The following PMEL variants were observed in gnomAD, a reference collection of about 807,000 sequenced individuals.
The protein encoded by PMEL is melanocyte protein PMEL.
PMEL carries 53 observed loss-of-function variants against 64.9 expected under a neutral mutation model. The observed-to-expected ratio is 0.82, with a 90% CI of 0.66 to 1.03. PMEL has a LOEUF of 1.03. PMEL is among the 50% of genes least tolerant of loss of function. The pLI, the probability that PMEL is intolerant of heterozygous loss-of-function variation, is 0.00. For synonymous variants in PMEL, 299 were observed against 316.2 expected (o/e 0.95, Z 0.58); for missense variants, 716 against 814.9 (o/e 0.88, Z 1.48).
chr12:55,954,466 C>A, intron 10 of PMEL, 117 bp from the exon 11 acceptor site: 1 of 991,488 alleles, frequency 1.0e-6, no homozygotes, highest in Non-Finnish European at 1.5e-6. Flanking sequence ...TCCTAGCTTC[C>A]TCCCCTTCTC....
chr12:55,961,672 C>T lies in PMEL; in HGVS notation c.137G>A (p.Arg46Lys). Residue 46 changes from arginine (R) to lysine (K), a missense_variant, in exon 2 of 11, where the codon AGG (arginine) becomes AAG (lysine). Physicochemically the swap from Arg to Lys is conservative, Grantham distance 26 (BLOSUM62 2). Transcript: ENST00000548747. ...TTCTGTCCACTCTGGATACAGCTGC[C>T]TGTTCCAGGCTTTGGTTCTGAGTTG... ...SRQLRTKAWN[R>K]QLYPEWTEAQ... 1.2e-6 allele frequency: 2 copies of T among 1,614,050 alleles called. No homozygotes were observed. The highest frequency in any genetic ancestry group is 1.7e-6 in the Non-Finnish European group (2 of 1,180,004).
Position 55,957,091 on chromosome 12 carries a change from C to G in PMEL, c.1212G>C (p.Glu404Asp), listed in dbSNP as rs1888912764. The part of the protein sequence containing the change: ...TPEATGMTPA[E>D]VSIVVLSGTT... ...TTCCAGAAAGCACCACAATTGATAC[C>G]TCTGCAGGTGTCATACCTGTAGCCT... Residue 404 changes from glutamate to aspartate, a missense_variant, in exon 6 of 11, where the codon GAG becomes GAC. Glu to Asp is a conservative substitution (Grantham distance 45). Coordinates refer to ENST00000548747, the MANE Select transcript of PMEL (RefSeq NM_001384361.1). The G allele has an allele frequency of 2.5e-6, 4 of 1,614,192 alleles. No individual in the cohort carries two copies. In the East Asian group the frequency reaches 8.9e-5, roughly 36 times the overall value.
intron 1 of PMEL, 146 bp downstream of exon 1, chr12:55,965,790 G>C: frequency 1.1e-6 from 1 of 910,808 alleles, no homozygotes; most frequent in Non-Finnish European, 1.7e-6. Context: ...TAGGGAGGGA[G>C]CCCAGGTGCC....
At chr12:55,961,248 C>T in intron 3 of PMEL, 69 bp downstream of exon 3, 2 of 1,432,084 alleles carry the variant, frequency 1.4e-6, no homozygotes, top group Non-Finnish European at 2.0e-6. Context: ...GGGGCATTCC[C>T]TGAGCTCACT....
chr12:55,954,274 G>A lies in PMEL; in HGVS notation c.1926C>T (p.Arg642=). The change falls in exon 11 of 11, where the codon CGC becomes CGT. Residue 642 remains arginine, a synonymous_variant. Coordinates refer to ENST00000548747, the MANE Select transcript of PMEL (RefSeq NM_001384361.1). ...HSSSHWLRLP[R]IFCSCPIGEN... ...CACCAATGGGACAAGAGCAGAAGAT[G>A]CGGGGTAGACGCAGCCAGTGACTGC... 6.2e-7 allele frequency: 1 copy of A among 1,614,004 alleles called. No homozygotes were observed. The highest frequency in any genetic ancestry group is 8.5e-7 in the Non-Finnish European group (1 of 1,179,876).
chr12:55,957,469 ATGAG>A lies in PMEL; in HGVS notation c.830_833del (p.Thr277IlefsTer82). ...TGACTGGGCCAGGCTCCAGGTAAGTATGAGTGACCACAAGTGCCCGAGAGATCAG... is the reference window on the plus strand; with the variant it reads ...TGACTGGGCCAGGCTCCAGGTAAGTATGACCACAAGTGCCCGAGAGATCAG... On this transcript the variant is annotated frameshift_variant, in exon 6 of 11. Coordinates refer to ENST00000548747, the MANE Select transcript of PMEL (RefSeq NM_001384361.1). LOFTEE classifies it high-confidence loss of function. The A allele has an allele frequency of 6.2e-7, 1 of 1,613,992 alleles. No homozygotes were observed. Among genetic ancestry groups the A allele is most frequent in the Non-Finnish European group, 8.5e-7 (1 of 1,179,986 alleles).
Position 55,961,418 on chromosome 12 carries a change from A to G in PMEL, c.233T>C (p.Ile78Thr), listed in dbSNP as rs372984564. ...LKVSNDGPTL[I>T]GANASFSIAL... ...AATAGAGAAGGAGGCATTTGCACCA[A>G]TCAGTGTAGGCCCATCATTACTGAC... The change falls in exon 3 of 11, where the codon ATT becomes ACT. Residue 78 changes from isoleucine (I) to threonine (T), a missense_variant. Transcript: ENST00000548747. 3.0e-5 allele frequency: 49 copies of G among 1,614,022 alleles called. No homozygotes were observed. The highest frequency in any genetic ancestry group is 3.9e-5 in the Non-Finnish European group (46 of 1,179,994).
chr12:55,957,785 C>T (rs181377009), intron 5 of PMEL, 114 bp from the exon 6 acceptor site: 335 of 1,512,760 alleles, frequency 2.2e-4, no homozygotes, highest in Middle Eastern at 2.1e-3. Context: ...CACTAAGCCT[C>T]ACATTTCTCT....
At chr12:55,956,424 G>T (rs1219118489) in intron 6 of PMEL, 2 of 523,502 alleles carry the variant, frequency 3.8e-6, no homozygotes, top group Admixed American at 6.6e-5. Flanking sequence ...CAGAGTCACA[G>T]TTAGGGGTGG....
intron 1 of PMEL, among the ~76,000 whole-genome samples, chr12:55,962,448 C>CAAAAAAA (rs1197796228): frequency 8.0e-5 from 3 of 37,520 alleles, no homozygotes; most frequent in African/African-American, 1.6e-4. Context: ...GACTCCATCT[C>CAAAAAAA]AAAAAAAAAA....
chr12:55,963,933 C>T (rs1191633135), intron 1 of PMEL, among the ~76,000 whole-genome samples: 1 of 151,700 alleles, frequency 6.6e-6, no homozygotes, highest in Admixed American at 6.6e-5. Flanking sequence ...GCAAAAACTA[C>T]CCTCACCCCA....
rs963033041 is a variant in PMEL at position 55,957,477 on chromosome 12, C to A, written c.826G>T (p.Val276Phe). ...SGTLISRALV[V>F]THTYLEPGPV... The stretch of plus-strand genomic sequence containing the variant: ...CCAGGCTCCAGGTAAGTATGAGTGA[C>A]CACAAGTGCCCGAGAGATCAGGGTT... The change falls in exon 6 of 11, where the codon GTC (valine) becomes TTC (phenylalanine). Residue 276 changes from valine to phenylalanine, a missense_variant. By Grantham distance (50) the Val-to-Phe change is conservative. Transcript: ENST00000548747. The A allele has an allele frequency of 6.2e-7, 1 of 1,613,950 alleles. No individual in the cohort carries two copies. The highest frequency in any genetic ancestry group is 8.5e-7 in the Non-Finnish European group (1 of 1,179,986).
Position 55,961,476 on chromosome 12 carries a change from G to C in PMEL, c.188-13C>G. The C allele has an allele frequency of 2.5e-6, 4 of 1,613,830 alleles. No individual in the cohort carries two copies. Among genetic ancestry groups the C allele is most frequent in the Non-Finnish European group, 2.5e-6 (3 of 1,179,786 alleles). On this transcript the variant is annotated splice_polypyrimidine_tract_variant and intron_variant, in intron 2 of 10. Transcript: ENST00000548747. ...GACACTTGACCACCTGGGAAGGAAA[G>C]CTACATTAGCTGGGACTCCTGGGCT...
rs199868276 is a variant in PMEL, at chr12:55,957,532, G to T, written c.771C>A (p.Ser257=). The stretch of plus-strand genomic sequence containing the variant: ...TACTGTCTCCAAAGTCCCAGGTGTA[G>T]GAGAGGTCAGCTTCAGCCAGATAGC... The part of the protein sequence containing the change: ...PSGYLAEADL[S]YTWDFGDSSG... The change falls in exon 6 of 11, where the codon TCC becomes TCA. Residue 257 remains serine (S), a synonymous_variant. Transcript: ENST00000548747. 8.7e-6 allele frequency: 14 copies of T among 1,613,640 alleles called. No homozygotes were observed. The highest frequency in any genetic ancestry group is 1.2e-5 in the Non-Finnish European group (14 of 1,179,770).
At chr12:55,958,269 C>T in intron 4 of PMEL, 185 bp from the exon 5 acceptor site, 1 of 773,496 alleles carries the variant, frequency 1.3e-6, no homozygotes, top group Non-Finnish European at 2.0e-6. Flanking sequence ...TGGGGTAGGA[C>T]TACAATTGAG....
chr12:55,962,120 G>A (rs937956600), intron 1 of PMEL, among the ~76,000 whole-genome samples: 1 of 151,916 alleles, frequency 6.6e-6, no homozygotes, highest in African/African-American at 2.4e-5. Flanking sequence ...ACAGGCGTGA[G>A]CCACTGCGCC....
chr12:55,960,081 C>T (rs557484473), intron 3 of PMEL, among the ~76,000 whole-genome samples: 50 of 151,086 alleles, frequency 3.3e-4, no homozygotes, highest in Middle Eastern at 3.4e-3. Flanking sequence ...ATCAGCTACT[C>T]GGGAGGCTAC....
intron 3 of PMEL, among the ~76,000 whole-genome samples, chr12:55,960,728 T>C (rs1388718287): frequency 6.7e-6 from 1 of 148,682 alleles, no homozygotes; most frequent in Non-Finnish European, 1.5e-5. Context: ...ATTTTTTTTT[T>C]AGTAGAGACA....
chr12:55,960,221 A>AAAAAAG (rs1555193397), intron 3 of PMEL, among the ~76,000 whole-genome samples: 5 of 149,174 alleles, frequency 3.4e-5, no homozygotes, highest in East Asian at 1.9e-4. Flanking sequence ...AAAAAAAAAA[A>AAAAAAG]AAAAGAAAAG....
Sources: allele counts gnomAD v4.1 joint callset (sites outside exome capture counted in the v4.1 genomes callset), GRCh38; gene constraint gnomAD v4.1.1; transcripts MANE v1.5; gene names NCBI Gene and HGNC (gene_info 2026-07-23, HGNC 2026-07-21).